The following RNF130 variants were observed in gnomAD, a reference collection of about 807,000 sequenced individuals.
The protein encoded by RNF130 is ring finger protein 130, also known as E3 ubiquitin-protein ligase RNF130.
In RNF130, 21 loss-of-function variants were observed where a neutral mutation model predicts 44.6. The observed-to-expected ratio is 0.47, with a 90% CI of 0.33 to 0.68. RNF130 has a LOEUF of 0.68. Ranked by LOEUF, RNF130 falls within the 30% of genes least tolerant of loss-of-function variation. The probability of loss-of-function intolerance (pLI) is 0.02; values close to 1 mark genes in which losing one functional copy is unlikely to be tolerated. For missense variants in RNF130, 479 were observed against 560.6 expected (o/e 0.85, Z 1.47); for synonymous variants, 214 against 210.4 (o/e 1.02, Z -0.15).
intron 7 of RNF130, among the ~76,000 whole-genome samples, chr5:179,931,369 C>T (rs973693840): frequency 6.6e-6 from 1 of 152,208 alleles, no homozygotes; most frequent in African/African-American, 2.4e-5. Flanking sequence ...TACAGTTCTG[C>T]ACATTTTCTG....
chr5:179,975,526 C>T (rs1762699051), intron 5 of RNF130, among the ~76,000 whole-genome samples: 1 of 152,204 alleles, frequency 6.6e-6, no homozygotes, highest in Admixed American at 6.5e-5. Context: ...ATTTTTGCTA[C>T]ACCTGATAAC....
intron 2 of RNF130, among the ~76,000 whole-genome samples, chr5:180,022,855 C>T (rs1179984927): frequency 2.6e-5 from 4 of 152,164 alleles, no homozygotes; most frequent in African/African-American, 9.7e-5. Context: ...TTCTTACAAG[C>T]TTTTGATAAA....
intron 7 of RNF130, among the ~76,000 whole-genome samples, chr5:179,935,678 C>G (rs1292841399): frequency 6.6e-6 from 1 of 151,930 alleles, no homozygotes; most frequent in Non-Finnish European, 1.5e-5. Context: ...TTTTCCTCTT[C>G]TTTTGGATGA....
At chr5:179,990,917 T>C (rs143070352) in intron 3 of RNF130, among the ~76,000 whole-genome samples, 97 of 152,340 alleles carry the variant, frequency 6.4e-4, no homozygotes, top group African/African-American at 2.3e-3. Flanking sequence ...TATATAATCA[T>C]ATCTATGATT....
chr5:179,912,965 T>A (rs749140290), exon 8 of RNF130: 1 of 152,308 alleles, frequency 6.6e-6, no homozygotes, highest in Admixed American at 6.5e-5. Flanking sequence ...GGGAAGGCGA[T>A]GATCCGCGGA....
At chr5:180,070,092 C>A (rs1318963068) in intron 1 of RNF130, among the ~76,000 whole-genome samples, 1 of 152,224 alleles carries the variant, frequency 6.6e-6, no homozygotes, top group African/African-American at 2.4e-5. Flanking sequence ...TCTTTCTACC[C>A]TTCCACGTGA....
At chr5:180,066,576 T>C (rs1327272463) in intron 1 of RNF130, among the ~76,000 whole-genome samples, 3 of 152,168 alleles carry the variant, frequency 2.0e-5, no homozygotes, top group Non-Finnish European at 4.4e-5. Context: ...ACCCTGTCTC[T>C]ATAAAAAATC....
At chr5:179,966,699 TAC>T in intron 7 of RNF130, 105 bp downstream of exon 7, 1 of 903,204 alleles carries the variant, frequency 1.1e-6, no homozygotes, top group Non-Finnish European at 1.7e-6. Context: ...CTTTCTTGGT[TAC>T]AGTCTGTGTT....
At chr5:179,921,317 T>C (rs998633932) in intron 7 of RNF130, among the ~76,000 whole-genome samples, 2 of 152,240 alleles carry the variant, frequency 1.3e-5, no homozygotes, top group Non-Finnish European at 2.9e-5. Flanking sequence ...TAGATTAGTT[T>C]GCATCTTTCT....
At chr5:179,922,944 G>A (rs1207026419) in intron 7 of RNF130, among the ~76,000 whole-genome samples, 4 of 151,942 alleles carry the variant, frequency 2.6e-5, no homozygotes, top group Non-Finnish European at 5.9e-5. Context: ...AATAATCCTC[G>A]ATACAAGTCT....
At chr5:180,032,711 T>C (rs1328985562) in intron 2 of RNF130, among the ~76,000 whole-genome samples, 1 of 152,232 alleles carries the variant, frequency 6.6e-6, no homozygotes, top group African/African-American at 2.4e-5. Context: ...CTTCTACCAA[T>C]ACCACAATGC....
At chr5:180,040,390 T>G in intron 2 of RNF130, 63 bp downstream of exon 2, 1 of 1,463,036 alleles carries the variant, frequency 6.8e-7, no homozygotes, top group Non-Finnish European at 9.4e-7. Flanking sequence ...GGCAGAATGC[T>G]TACCTATAAA....
intron 2 of RNF130, chr5:180,015,388 C>T (rs1763693543): frequency 1.9e-6 from 1 of 530,242 alleles, no homozygotes. Context: ...TATAATCACA[C>T]CAGGTACAAA....
intron 7 of RNF130, among the ~76,000 whole-genome samples, chr5:179,927,018 A>G (rs936115442): frequency 6.6e-6 from 1 of 152,208 alleles, no homozygotes; most frequent in Admixed American, 6.5e-5. Flanking sequence ...GTTGACTGTT[A>G]TGGGGTGAGA....
intron 2 of RNF130, among the ~76,000 whole-genome samples, chr5:180,036,563 C>G (rs899105119): frequency 6.6e-6 from 1 of 152,202 alleles, no homozygotes; most frequent in African/African-American, 2.4e-5. Flanking sequence ...AGAAGTTTTT[C>G]AAAGCATAAA....
At chr5:180,042,890 A>G (rs1764458516) in intron 1 of RNF130, among the ~76,000 whole-genome samples, 1 of 152,254 alleles carries the variant, frequency 6.6e-6, no homozygotes, top group African/African-American at 2.4e-5. Flanking sequence ...ACTGTGCTCC[A>G]AGGTCTAGAT....
chr5:180,033,033 G>A (rs1285312600), intron 2 of RNF130, among the ~76,000 whole-genome samples: 1 of 151,884 alleles, frequency 6.6e-6, no homozygotes, highest in East Asian at 1.9e-4. Flanking sequence ...GAATGCAGCA[G>A]CACCATCTGG....
chr5:179,939,793 CAAATGGGTCTTCAAAGAAGTTGAATGA>C (rs1761946978), intron 7 of RNF130: 1 of 409,540 alleles, frequency 2.4e-6, no homozygotes, highest in South Asian at 2.1e-5. Context: ...AAAAAGTCCT[CAAATGGGTCTTCAAAGAAGTTGAATGA>C]AAATGGGTCC....
intron 1 of RNF130, among the ~76,000 whole-genome samples, chr5:180,056,253 G>GAA (rs35729589): frequency 6.8e-6 from 1 of 146,176 alleles, no homozygotes; most frequent in African/African-American, 2.5e-5. Flanking sequence ...TATCTGTGGG[G>GAA]AAAAAAAAAA....
Sources: gnomAD v4.1 joint callset for allele counts (sites outside exome capture counted in the v4.1 genomes callset) on GRCh38, gnomAD v4.1.1 for gene constraint, MANE v1.5 for transcripts, NCBI Gene and HGNC (gene_info 2026-07-23, HGNC 2026-07-21) for gene names.